The following HUNK variants were observed in gnomAD, a reference collection of about 807,000 sequenced individuals.
HUNK encodes the protein hormonally up-regulated Neu-associated kinase.
HUNK carries 21 observed loss-of-function variants against 61.0 expected under a neutral mutation model. That is an observed-to-expected ratio of 0.34 (90% CI 0.24 to 0.50). The LOEUF (loss-of-function observed/expected upper bound fraction) is 0.50, where lower values mean the gene tolerates loss of function less well. Ranked by LOEUF, HUNK falls within the 20% of genes least tolerant of loss-of-function variation. The pLI is 0.98. For missense variants in HUNK, 772 were observed against 945.7 expected, an observed-to-expected ratio of 0.82 and a Z score of 2.41; for synonymous variants, 371 against 386.1, an observed-to-expected ratio of 0.96 and a Z score of 0.46.
At chr21:31,892,518 C>T (rs1229826153) in intron 1 of HUNK, among the ~76,000 whole-genome samples, 5 of 144,376 alleles carry the variant, frequency 3.5e-5, no homozygotes, top group South Asian at 2.2e-4. Flanking sequence ...TGCAGTGAGC[C>T]GAGATTGCGC....
chr21:31,980,128 G>A (rs1247962774), intron 7 of HUNK, among the ~76,000 whole-genome samples: 1 of 151,900 alleles, frequency 6.6e-6, no homozygotes, highest in Non-Finnish European at 1.5e-5. Context: ...CTGGAGTGCA[G>A]TGGTGTGATC....
At chr21:31,950,349 C>A (rs1403946339) in intron 4 of HUNK, among the ~76,000 whole-genome samples, 2 of 152,078 alleles carry the variant, frequency 1.3e-5, no homozygotes, top group African/African-American at 2.4e-5. Flanking sequence ...AAACCAGATT[C>A]TTTTGTTATG....
intron 9 of HUNK, among the ~76,000 whole-genome samples, chr21:31,995,337 A>T (rs2053197150): frequency 1.3e-5 from 2 of 152,200 alleles, no homozygotes; most frequent in Non-Finnish European, 2.9e-5. Flanking sequence ...GACTGCCCCA[A>T]ATAGAACCTG....
chr21:31,961,276 G>A (rs113050772), intron 5 of HUNK, among the ~76,000 whole-genome samples: 45 of 151,768 alleles, frequency 3.0e-4, no homozygotes, highest in African/African-American at 8.9e-4. Context: ...TGGATATACC[G>A]CAGTTTGTTT....
chr21:31,873,596 G>C lies in HUNK; in HGVS notation c.-79G>C. The stretch of plus-strand genomic sequence containing the variant: ...GCCCAGGGCGGCGGCGGGAGAAGCC[G>C]GGGAAGCCGAAGAGCCTGGGGAGGA... On this transcript the variant is annotated 5_prime_UTR_variant, in exon 1 of 11. Transcript: ENST00000270112. This position sits in a 1 kb window ranked among gnomAD's most constrained non-coding sequence, Gnocchi z 6.1. 1.0e-6 allele frequency: 1 copy of C among 969,938 alleles called. No homozygotes were observed. Among genetic ancestry groups the C allele is most frequent in the Non-Finnish European group, 1.2e-6 (1 of 815,272 alleles). 60.1% of individuals were successfully genotyped at this position (969,938 alleles called of 1,614,324 possible).
intron 1 of HUNK, among the ~76,000 whole-genome samples, chr21:31,882,986 A>G (rs756593473): frequency 6.6e-6 from 1 of 151,444 alleles, no homozygotes; most frequent in Non-Finnish European, 1.5e-5. Context: ...TGACTTAACC[A>G]TCCCTTGTTG....
At chr21:31,928,542 A>G (rs1333245305) in intron 2 of HUNK, among the ~76,000 whole-genome samples, 2 of 152,188 alleles carry the variant, frequency 1.3e-5, no homozygotes, top group Non-Finnish European at 2.9e-5. Flanking sequence ...TAATCCAATA[A>G]TGGCAAGGGC....
At chr21:31,933,667 C>A (rs888265998) in intron 2 of HUNK, among the ~76,000 whole-genome samples, 4 of 152,008 alleles carry the variant, frequency 2.6e-5, no homozygotes, top group African/African-American at 9.7e-5. Flanking sequence ...TGCCTGTAAT[C>A]CCAGCTACTC....
intron 4 of HUNK, among the ~76,000 whole-genome samples, chr21:31,957,588 C>T (rs111374384): frequency 1.1e-4 from 16 of 152,212 alleles, no homozygotes; most frequent in African/African-American, 3.1e-4. Flanking sequence ...TTCCCTTGGG[C>T]GCTTTTGAAC....
At chr21:31,956,081 T>C (rs562115121) in intron 4 of HUNK, among the ~76,000 whole-genome samples, 12 of 152,212 alleles carry the variant, frequency 7.9e-5, no homozygotes, top group Admixed American at 7.2e-4. Context: ...CTCTCAATCA[T>C]GTCAAATAAA....
chr21:31,992,474 G>C (rs2123255082), intron 9 of HUNK, among the ~76,000 whole-genome samples: 1 of 152,342 alleles, frequency 6.6e-6, no homozygotes, highest in South Asian at 2.1e-4. Context: ...CTTGCCTCTG[G>C]GGCCTCATGT....
chr21:31,970,636 C>T (rs1296503722), intron 6 of HUNK, among the ~76,000 whole-genome samples: 1 of 152,160 alleles, frequency 6.6e-6, no homozygotes, highest in East Asian at 1.9e-4. Flanking sequence ...CATGTAATCA[C>T]CGCCTAAATG....
rs989271669 is a variant in HUNK, at chr21:31,960,262, A to G, written c.874+1292A>G. Among the ~76,000 whole-genome samples, 39 of 152,212 alleles carry G rather than the reference A, an allele frequency of 2.6e-4. 1 individual carries two copies. Among genetic ancestry groups the G allele is most frequent in the African/African-American group, 8.2e-4 (34 of 41,450 alleles). On this transcript the variant is annotated intron_variant, in intron 5 of 10. Transcript: ENST00000270112. ...CAGTCTCTACCCTTATAAAGCTTAT[A>G]TATCAGCAGGGGAAGCTAAAAATAA...
Position 31,905,184 on chromosome 21 carries a change from T to C in HUNK, c.262-19284T>C, listed in dbSNP as rs147210738. ...AAGAGGAAATTTGGACACGGACACATAGGGAAGACCGCATGAAGACACAAG... is the reference window on the plus strand; with the variant it reads ...AAGAGGAAATTTGGACACGGACACACAGGGAAGACCGCATGAAGACACAAG... On this transcript the variant is annotated intron_variant, in intron 1 of 10. Transcript: ENST00000270112. Among the ~76,000 whole-genome samples, 191 of 151,962 alleles carry C rather than the reference T, an allele frequency of 1.3e-3. 1 individual carries two copies. The highest frequency in any genetic ancestry group is 4.4e-3 in the African/African-American group (182 of 41,466).
rs777146835 is a variant in HUNK at position 31,940,214 on chromosome 21, C to G, written c.604C>G (p.Leu202Val). The G allele has an allele frequency of 6.4e-7, 1 of 1,571,056 alleles. No homozygotes were observed. The highest frequency in any genetic ancestry group is 8.6e-7 in the Non-Finnish European group (1 of 1,157,854). ...LLLDEDNNIK[L>V]IDFGLSNCAG... ...ACTAGATGAAGACAATAATATCAAG[C>G]TGATTGGTATGACTTTTTTTTTTTT... Residue 202 changes from leucine to valine, a missense_variant, in exon 3 of 11, where the codon CTG becomes GTG. By Grantham distance (32) the Leu-to-Val change is conservative (BLOSUM62 1). Transcript: ENST00000270112.
intron 1 of HUNK, among the ~76,000 whole-genome samples, chr21:31,921,154 C>CCAAA (rs2052619783): frequency 2.5e-5 from 1 of 39,374 alleles, no homozygotes; most frequent in Non-Finnish European, 5.1e-5. Flanking sequence ...GATTCCATCT[C>CCAAA]AAAAAAAAAA....
Position 31,995,954 on chromosome 21 carries a change from T to A in HUNK, c.1486+6T>A. On this transcript the variant is annotated splice_donor_region_variant and intron_variant, in intron 10 of 10. Coordinates refer to ENST00000270112, the MANE Select transcript of HUNK (RefSeq NM_014586.2). The stretch of plus-strand genomic sequence containing the variant: ...GTCCAGCTTCCCCGACAAAGGTGGG[T>A]CAGCTCTGGGGACTCTCTCAGGCCA... The A allele has an allele frequency of 1.2e-6, 2 of 1,610,990 alleles. No individual in the cohort carries two copies. Among genetic ancestry groups the A allele is most frequent in the Non-Finnish European group, 1.7e-6 (2 of 1,177,972 alleles).
chr21:31,965,853 C>T (rs9978773), intron 5 of HUNK, among the ~76,000 whole-genome samples: 29,375 of 152,012 alleles, frequency 0.19, 3,457 homozygotes, highest in Non-Finnish European at 0.27. Context: ...CCACTCACCT[C>T]GTCCTCCCAA....
chr21:31,961,549 C>T (rs1023728904), intron 5 of HUNK, among the ~76,000 whole-genome samples: 16 of 152,188 alleles, frequency 1.1e-4, no homozygotes, highest in Non-Finnish European at 2.2e-4. Context: ...TCCTTGCCAG[C>T]ATTTGATGCT....
Sources: gnomAD v4.1 joint callset for allele counts (sites outside exome capture counted in the v4.1 genomes callset) on GRCh38, gnomAD v4.1.1 for gene constraint, Gnocchi (gnomAD v3.1) non-coding constraint, MANE v1.5 for transcripts, NCBI Gene and HGNC (gene_info 2026-07-23, HGNC 2026-07-21) for gene names.